KLF12: variants seen among roughly 807,000 people sequenced by gnomAD.
KLF12 encodes Krueppel-like factor 12.
A neutral mutation model predicts 37.8 loss-of-function variants in KLF12; 9 were observed. The ratio of observed to expected loss-of-function variants is 0.24; its 90% CI spans 0.14 to 0.42. The LOEUF is 0.42. KLF12 is among the 10% of genes least tolerant of loss of function. KLF12 has a pLI of 1.00. For synonymous variants in KLF12, 208 were observed against 202.1 expected (o/e 1.03, Z -0.25); for missense variants, 411 against 516.0 (o/e 0.80, Z 1.97).
intron 5 of KLF12, among the ~76,000 whole-genome samples, chr13:73,783,343 G>A (rs1881094628): frequency 6.6e-6 from 1 of 152,066 alleles, no homozygotes. Context: ...GTAGAGGGGA[G>A]GATGAAGAGA....
intron 7 of KLF12, among the ~76,000 whole-genome samples, chr13:73,703,967 A>G (rs989969172): frequency 1.2e-4 from 18 of 152,240 alleles, no homozygotes; most frequent in African/African-American, 3.6e-4. Flanking sequence ...CCATAATAAA[A>G]GTGAACTTTA....
At chr13:73,928,129 T>C (rs1194226815) in intron 3 of KLF12, among the ~76,000 whole-genome samples, 1 of 152,216 alleles carries the variant, frequency 6.6e-6, no homozygotes, top group Non-Finnish European at 1.5e-5. Context: ...ATGCTGGGAT[T>C]ACAGGCGTGA....
At chr13:74,284,039 A>G in the KLF12 span, among the ~76,000 whole-genome samples, 1 of 151,764 alleles carries the variant, frequency 6.6e-6, no homozygotes, top group Non-Finnish European at 1.5e-5. Flanking sequence ...TTGTATTTTT[A>G]GTAGAGATGG....
intron 4 of KLF12, among the ~76,000 whole-genome samples, chr13:73,843,189 T>C (rs1253035016): frequency 6.6e-6 from 1 of 152,208 alleles, no homozygotes; most frequent in East Asian, 1.9e-4. Flanking sequence ...ATACTTGTTT[T>C]TATAAAAAAG....
chr13:74,063,590 A>G (rs901316590), intron 1 of KLF12, among the ~76,000 whole-genome samples: 5 of 152,214 alleles, frequency 3.3e-5, no homozygotes, highest in Non-Finnish European at 7.3e-5. Flanking sequence ...AGAAAATATC[A>G]AAGTAAAAAT....
the KLF12 span, among the ~76,000 whole-genome samples, chr13:74,140,828 C>T: frequency 1.3e-5 from 2 of 152,206 alleles, no homozygotes; most frequent in East Asian, 1.9e-4. Flanking sequence ...CCAAGGCGGG[C>T]AGATCACGAG....
At chr13:73,751,521 A>C (rs144386210) in intron 6 of KLF12, among the ~76,000 whole-genome samples, 227 of 152,248 alleles carry the variant, frequency 1.5e-3, no homozygotes, top group African/African-American at 5.3e-3. Flanking sequence ...GGTGAGGAAG[A>C]GCCAACACTG....
chr13:73,886,076 T>C (rs1887211348), intron 3 of KLF12, among the ~76,000 whole-genome samples: 1 of 151,988 alleles, frequency 6.6e-6, no homozygotes. Flanking sequence ...TCAAGGGACA[T>C]GACAAGGGCA....
At chr13:73,906,343 C>T (rs1284363787) in intron 3 of KLF12, among the ~76,000 whole-genome samples, 1 of 152,160 alleles carries the variant, frequency 6.6e-6, no homozygotes, top group African/African-American at 2.4e-5. Context: ...TCTGTTAATA[C>T]AATCTATCAT....
At chr13:73,935,632 T>C (rs1005148647) in intron 3 of KLF12, among the ~76,000 whole-genome samples, 7 of 152,106 alleles carry the variant, frequency 4.6e-5, no homozygotes, top group Admixed American at 2.6e-4. Flanking sequence ...CCATGATTTA[T>C]TTATTTATTT....
At chr13:73,870,879 C>CT (rs1048955771) in intron 3 of KLF12, among the ~76,000 whole-genome samples, 2 of 152,254 alleles carry the variant, frequency 1.3e-5, no homozygotes, top group African/African-American at 2.4e-5. Flanking sequence ...CTTCCTTGGA[C>CT]TTTTTTTCTG....
chr13:73,971,115 C>A (rs1158298061), intron 2 of KLF12, among the ~76,000 whole-genome samples: 1 of 152,122 alleles, frequency 6.6e-6, no homozygotes, highest in African/African-American at 2.4e-5. Context: ...GGACAAAAAA[C>A]TGTGCTAATT....
intron 3 of KLF12, among the ~76,000 whole-genome samples, chr13:73,863,011 G>A (rs1004489447): frequency 4.6e-5 from 7 of 152,104 alleles, no homozygotes; most frequent in African/African-American, 1.4e-4. Context: ...CACAGTACAA[G>A]TAATCCCAAG....
intron 1 of KLF12, among the ~76,000 whole-genome samples, chr13:74,066,835 A>G (rs1857718331): frequency 6.6e-6 from 1 of 152,224 alleles, no homozygotes; most frequent in Non-Finnish European, 1.5e-5. Context: ...TATAAAGCTC[A>G]CTAGTAGTCA....
At chr13:73,734,784 A>T (rs546920903) in intron 6 of KLF12, among the ~76,000 whole-genome samples, 2 of 152,178 alleles carry the variant, frequency 1.3e-5, no homozygotes, top group East Asian at 3.9e-4. Flanking sequence ...ACAAAATTAT[A>T]TCGAGTGTTT....
the KLF12 span, among the ~76,000 whole-genome samples, chr13:74,292,589 C>A: frequency 6.6e-6 from 1 of 151,974 alleles, no homozygotes; most frequent in Non-Finnish European, 1.5e-5. Context: ...CCATACTAAC[C>A]TTCTTGCAAC....
chr13:73,723,008 C>T (rs1238212784), intron 6 of KLF12, among the ~76,000 whole-genome samples: 2 of 152,146 alleles, frequency 1.3e-5, no homozygotes, highest in African/African-American at 2.4e-5. Flanking sequence ...CGTTAAAAAA[C>T]TTAAAAGTAT....
chr13:73,855,234 C>T (rs534695627), intron 3 of KLF12, among the ~76,000 whole-genome samples: 41 of 152,276 alleles, frequency 2.7e-4, no homozygotes, highest in South Asian at 8.3e-4. Flanking sequence ...GATAGTTTTC[C>T]AATCCTTGCC....
chr13:73,912,713 C>G (rs1429914361), intron 3 of KLF12, among the ~76,000 whole-genome samples: 1 of 152,200 alleles, frequency 6.6e-6, no homozygotes, highest in African/African-American at 2.4e-5. Context: ...TAAGACACCA[C>G]GTTTGTGGTC....
Sources: allele counts gnomAD v4.1 joint callset (sites outside exome capture counted in the v4.1 genomes callset), GRCh38; gene constraint gnomAD v4.1.1; transcripts MANE v1.5; gene names NCBI Gene and HGNC (gene_info 2026-07-23, HGNC 2026-07-21).